Variants in VRK2 observed in about 807,000 individuals in gnomAD.
VRK2 encodes the protein serine/threonine-protein kinase VRK2.
A neutral mutation model predicts 57.6 loss-of-function variants in VRK2; 60 were observed. The observed-to-expected ratio is 1.04, with a 90% CI of 0.85 to 1.29. The LOEUF (loss-of-function observed/expected upper bound fraction) is 1.29, where lower values mean the gene tolerates loss of function less well. Ranked by LOEUF, VRK2 falls within the 50% of genes most tolerant of loss-of-function variation. The pLI, the probability that VRK2 is intolerant of heterozygous loss-of-function variation, is 0.00. For missense variants in VRK2, 705 were observed against 588.1 expected, an observed-to-expected ratio of 1.20 and a Z score of -2.06; for synonymous variants, 231 against 199.2, an observed-to-expected ratio of 1.16 and a Z score of -1.35.
Position 58,088,326 on chromosome 2 carries a change from G to T in VRK2, c.345-15G>T, listed in dbSNP as rs1446559648. ...TTTCTCAGGATGATCTCTTTTTGATGCTTTTTTCTTACAGTTACAGATTTA... is the reference window on the plus strand; with the variant it reads ...TTTCTCAGGATGATCTCTTTTTGATTCTTTTTTCTTACAGTTACAGATTTA... On this transcript the variant is annotated splice_polypyrimidine_tract_variant and intron_variant, in intron 5 of 12. Coordinates refer to ENST00000340157, the MANE Select transcript of VRK2 (RefSeq NM_006296.7). 6.5e-7 allele frequency: 1 copy of T among 1,547,264 alleles called. No individual in the cohort carries two copies. The highest frequency in any genetic ancestry group is 8.8e-7 in the Non-Finnish European group (1 of 1,130,752).
intron 1 of VRK2, among the ~76,000 whole-genome samples, chr2:57,927,380 G>A (rs576831712): frequency 6.6e-6 from 1 of 151,694 alleles, no homozygotes; most frequent in East Asian, 1.9e-4. Context: ...GGGTTGAAGA[G>A]ATTCTCCTGC....
At chr2:58,028,414 A>C (rs1016899051) in intron 2 of VRK2, 18 of 152,300 alleles carry the variant, frequency 1.2e-4, no homozygotes, top group African/African-American at 4.1e-4. Context: ...TAGTGCTGCA[A>C]TAAACATATG....
chr2:58,132,060 A>C, intron 9 of VRK2, 132 bp downstream of exon 9: 1 of 1,180,164 alleles, frequency 8.5e-7, no homozygotes, highest in East Asian at 2.7e-5. Context: ...AGTTTGAAAA[A>C]TATGTTTTAA....
intron 1 of VRK2, among the ~76,000 whole-genome samples, chr2:57,924,111 T>G (rs1050020789): frequency 2.0e-5 from 3 of 152,048 alleles, no homozygotes; most frequent in African/African-American, 7.2e-5. Flanking sequence ...TACCATGCCA[T>G]TTCGGTTACT....
intron 2 of VRK2, among the ~76,000 whole-genome samples, chr2:58,053,791 C>A (rs982881098): frequency 1.3e-5 from 2 of 152,046 alleles, no homozygotes; most frequent in African/African-American, 4.8e-5. Context: ...TTATCTGACA[C>A]AATGCAACGT....
intron 1 of VRK2, among the ~76,000 whole-genome samples, chr2:58,015,754 G>A (rs1050241839): frequency 5.9e-5 from 9 of 152,114 alleles, no homozygotes; most frequent in Admixed American, 6.5e-5. Flanking sequence ...AAAAAATATG[G>A]AGATGGTATG....
At chr2:58,039,253 C>G (rs1674370032) in intron 3 of VRK2, among the ~76,000 whole-genome samples, 1 of 152,120 alleles carries the variant, frequency 6.6e-6, no homozygotes, top group African/African-American at 2.4e-5. Context: ...CAAAGATAAC[C>G]GAAAGCAATG....
intron 2 of VRK2, among the ~76,000 whole-genome samples, chr2:58,061,243 TTAA>T (rs894916416): frequency 1.2e-4 from 18 of 151,854 alleles, no homozygotes; most frequent in African/African-American, 4.3e-4. Context: ...ATGTATTTAG[TTAA>T]TAATAATAAA....
chr2:58,138,906 T>C (rs192997636), intron 10 of VRK2, among the ~76,000 whole-genome samples: 8 of 152,326 alleles, frequency 5.3e-5, no homozygotes, highest in Admixed American at 4.6e-4. Flanking sequence ...GCTACAAATA[T>C]TTTAATGCAG....
chr2:57,936,523 G>GTTTTTTTTTTTTTT (rs979256098), intron 1 of VRK2, among the ~76,000 whole-genome samples: 1 of 145,362 alleles, frequency 6.9e-6, no homozygotes. Flanking sequence ...GTTTTGTTTT[G>GTTTTTTTTTTTTTT]TTTTTTTGTT....
intron 1 of VRK2, among the ~76,000 whole-genome samples, chr2:58,012,008 T>G (rs1400179839): frequency 6.6e-6 from 1 of 152,328 alleles, no homozygotes; most frequent in Admixed American, 6.5e-5. Context: ...AATATGACTG[T>G]AGAACACCAG....
At chr2:58,036,754 T>C (rs1674287502) in intron 3 of VRK2, among the ~76,000 whole-genome samples, 1 of 152,006 alleles carries the variant, frequency 6.6e-6, no homozygotes, top group Non-Finnish European at 1.5e-5. Context: ...AGCCTCCTGC[T>C]CAAGTCTCCA....
At chr2:58,111,360 C>A (rs897741853) in intron 7 of VRK2, among the ~76,000 whole-genome samples, 1 of 152,096 alleles carries the variant, frequency 6.6e-6, no homozygotes, top group Non-Finnish European at 1.5e-5. Flanking sequence ...ATCTCTGTGT[C>A]AAGGTGAAGG....
chr2:57,930,834 T>A (rs903246575), intron 1 of VRK2, among the ~76,000 whole-genome samples: 1 of 152,190 alleles, frequency 6.6e-6, no homozygotes, highest in Non-Finnish European at 1.5e-5. Flanking sequence ...ATAAGAGATA[T>A]CATGCAGTAT....
rs574651335 is a variant in VRK2 at position 57,953,799 on chromosome 2, A to G, written c.-439+45960A>G. Among the ~76,000 whole-genome samples the G allele has an allele frequency of 1.6e-4, 25 of 152,326 alleles. 1 individual carries two copies. The South Asian group carries it at 5.2e-3, about 32-fold the overall frequency. On this transcript the variant is annotated intron_variant, in intron 1 of 15. Coordinates refer to the VRK2 transcript ENST00000417641. ...AAGTCCTTCGGACTCTATATTCCAT[A>G]CTTTGTGCATTATAAAAAAATTAAA...
rs180948852 is a variant in VRK2, at chr2:58,095,092, G to T, written c.543+5369G>T. Reference sequence around the variant, plus strand: ...AGGTGGATCACGAGGTCAGGAGATAGAGACCATCCTGGCTAACATGGTGAA... The same window carrying T: ...AGGTGGATCACGAGGTCAGGAGATATAGACCATCCTGGCTAACATGGTGAA... On this transcript the variant is annotated intron_variant, in intron 7 of 12. Transcript: ENST00000340157. Among the ~76,000 whole-genome samples, 129 of 152,116 alleles carry T rather than the reference G, an allele frequency of 8.5e-4. 1 individual carries two copies. The highest frequency in any genetic ancestry group is 3.1e-3 in the African/African-American group (127 of 41,486).
At chr2:57,935,765 G>A (rs1260272279) in intron 1 of VRK2, among the ~76,000 whole-genome samples, 3 of 152,170 alleles carry the variant, frequency 2.0e-5, no homozygotes, top group Non-Finnish European at 4.4e-5. Context: ...AGAGGAACAA[G>A]GTGCTCCCTC....
intron 2 of VRK2, among the ~76,000 whole-genome samples, chr2:58,063,642 AAGG>A (rs1269534920): frequency 2.0e-5 from 3 of 152,238 alleles, no homozygotes; most frequent in Middle Eastern, 3.4e-3. Flanking sequence ...GGAGATGTAC[AAGG>A]AGATTAATGT....
At chr2:57,987,304 A>G (rs1399645054) in intron 1 of VRK2, among the ~76,000 whole-genome samples, 1 of 152,156 alleles carries the variant, frequency 6.6e-6, no homozygotes, top group Non-Finnish European at 1.5e-5. Context: ...AACTCTCAAA[A>G]CTCAGTAAGA....
Sources: gnomAD v4.1 joint callset for allele counts (sites outside exome capture counted in the v4.1 genomes callset) on GRCh38, gnomAD v4.1.1 for gene constraint, MANE v1.5 for transcripts, NCBI Gene and HGNC (gene_info 2026-07-23, HGNC 2026-07-21) for gene names.